Variants in ZNF516 observed in about 807,000 individuals in gnomAD.
The protein encoded by ZNF516 is zinc finger protein 516.
In ZNF516, 19 loss-of-function variants were observed where a neutral mutation model predicts 79.7. That is an observed-to-expected ratio of 0.24 (90% CI 0.17 to 0.35). ZNF516 has a LOEUF of 0.35. Ranked by LOEUF, ZNF516 falls within the 10% of genes least tolerant of loss-of-function variation. The probability of loss-of-function intolerance (pLI) is 1.00; values close to 1 mark genes in which losing one functional copy is unlikely to be tolerated. For synonymous variants in ZNF516, 877 were observed against 739.5 expected, an observed-to-expected ratio of 1.19 and a Z score of -3.02; for missense variants, 1,678 against 1,679.5, an observed-to-expected ratio of 1.00 and a Z score of 0.02.
At chr18:76,382,215 C>T (rs929820443) in intron 3 of ZNF516, among the ~76,000 whole-genome samples, 8 of 152,014 alleles carry the variant, frequency 5.3e-5, no homozygotes, top group Admixed American at 2.0e-4. Context: ...GTCTGTTATA[C>T]GCACACAGTG....
chr18:76,401,108 G>A (rs1317874531), intron 3 of ZNF516, among the ~76,000 whole-genome samples: 1 of 151,960 alleles, frequency 6.6e-6, no homozygotes, highest in African/African-American at 2.4e-5. Context: ...TCCATTATTG[G>A]AACGCTAAGC....
In ZNF516 at chr18:76,441,391, C is replaced by T. The variant is rs774910781; in HGVS notation, c.1664G>A (p.Arg555His). Residue 555 changes from arginine (R) to histidine (H), a missense_variant, in exon 3 of 7, where the codon CGC becomes CAC. Arg to His is a conservative substitution (Grantham distance 29). Around this residue, in one of 5 missense-constraint regions of ZNF516, gnomAD observed 1,294 missense variants for 1,248.3 expected, o/e 1.04. Transcript: ENST00000443185. ...DSDGDRAARA[R>H]CGSLSEGDSA... The stretch of plus-strand genomic sequence containing the variant: ...GTCACCCTCACTGAGTGATCCGCAG[C>T]GGGCCCGCGCCGCCCTGTCCCCGTC... 9.9e-6 allele frequency: 16 copies of T among 1,609,412 alleles called. No homozygotes were observed. Among genetic ancestry groups the T allele is most frequent in the Non-Finnish European group, 1.3e-5 (15 of 1,178,688 alleles).
At chr18:76,437,099 C>CACACACAT (rs1423993820) in intron 3 of ZNF516, among the ~76,000 whole-genome samples, 2 of 151,154 alleles carry the variant, frequency 1.3e-5, no homozygotes, top group Non-Finnish European at 2.9e-5. Context: ...CACACACACA[C>CACACACAT]ATACCGTCTC....
chr18:76,384,308 C>G (rs1310816616), intron 3 of ZNF516, among the ~76,000 whole-genome samples: 3 of 137,112 alleles, frequency 2.2e-5, no homozygotes, highest in African/African-American at 8.3e-5. Context: ...TCCTCCACAG[C>G]CCCCATACCC....
At position 76,380,209 on chromosome 18, in the gene ZNF516, C is replaced by T. The variant is rs375064691; in HGVS notation, c.1905G>A (p.Ser635=). 43 of 1,613,830 alleles carry T rather than the reference C, an allele frequency of 2.7e-5. No homozygotes were observed. The East Asian group carries it at 4.0e-4, about 15-fold the overall frequency. The part of the protein sequence containing the change: ...DQSHKMGDNA[S]ERDTGESKAG... ...CCTTGGACTCGCCGGTGTCTCTTTC[C>T]GAGGCGTTATCTCCCATCTTGTGAC... Residue 635 remains serine, a synonymous_variant, in exon 4 of 7, where the codon TCG becomes TCA. Transcript: ENST00000443185.
chr18:76,471,859 T>C (rs1913862652), intron 1 of ZNF516, among the ~76,000 whole-genome samples: 1 of 152,168 alleles, frequency 6.6e-6, no homozygotes. Flanking sequence ...CCACCCAAAC[T>C]GTCTACCCTG....
In ZNF516 at chr18:76,443,170, T is replaced by TGCACCTTCTACATGGGGGGC; in HGVS notation, c.-136_-117dup. On this transcript the variant is annotated 5_prime_UTR_variant, in exon 3 of 7. The change creates a new upstream start codon in the 5' untranslated region. Coordinates refer to ENST00000443185, the MANE Select transcript of ZNF516 (RefSeq NM_014643.4). ...AAAAGACGTGCCTGCTCCCAGGAGG[T>TGCACCTTCTACATGGGGGGC]GCACCTTCTACATGGGGGGCGCAGC... 1 of 1,415,322 alleles carries TGCACCTTCTACATGGGGGGC rather than the reference T, an allele frequency of 7.1e-7. No individual in the cohort carries two copies. The highest frequency in any genetic ancestry group is 1.5e-5 in the South Asian group (1 of 66,438). The allele number at this position is 1,415,322 out of a possible 1,614,324, so 87.7% of individuals were successfully genotyped here.
intron 3 of ZNF516, among the ~76,000 whole-genome samples, chr18:76,430,008 C>G (rs1176956551): frequency 1.3e-5 from 2 of 152,200 alleles, no homozygotes; most frequent in South Asian, 4.1e-4. Flanking sequence ...ACCTTCTGTT[C>G]AGAGCTTCTG....
intron 3 of ZNF516, among the ~76,000 whole-genome samples, chr18:76,422,737 A>G (rs182112886): frequency 9.9e-5 from 15 of 152,214 alleles, no homozygotes. Context: ...GGAGGAGAAG[A>G]TATGAATTCC....
chr18:76,381,823 T>C (rs1360798045), intron 3 of ZNF516, among the ~76,000 whole-genome samples: 14 of 152,214 alleles, frequency 9.2e-5, no homozygotes, highest in Admixed American at 9.2e-4. Context: ...TACCGGCTCC[T>C]AAAGGCTAAT....
chr18:76,418,656 T>TG (rs772224961), intron 3 of ZNF516, among the ~76,000 whole-genome samples: 1 of 152,224 alleles, frequency 6.6e-6, no homozygotes, highest in Non-Finnish European at 1.5e-5. Flanking sequence ...ATTGTGCTTC[T>TG]GGGTTACCTC....
At chr18:76,465,075 C>T (rs950321009) in intron 1 of ZNF516, among the ~76,000 whole-genome samples, 4 of 152,222 alleles carry the variant, frequency 2.6e-5, no homozygotes, top group African/African-American at 9.6e-5. Context: ...GGGCTCGCCA[C>T]GCAGCTCAAG....
At chr18:76,440,612 A>G (rs1180355965) in intron 3 of ZNF516, among the ~76,000 whole-genome samples, 2 of 152,268 alleles carry the variant, frequency 1.3e-5, no homozygotes, top group African/African-American at 4.8e-5. Context: ...TGTGAAAAGT[A>G]ATCTGTTCCA....
At chr18:76,401,665 G>A (rs867003428) in intron 3 of ZNF516, among the ~76,000 whole-genome samples, 2 of 150,258 alleles carry the variant, frequency 1.3e-5, no homozygotes, top group South Asian at 2.1e-4. Flanking sequence ...GGCAAGGTGA[G>A]CCCGGAGCAC....
chr18:76,413,861 C>CT (rs1340206485), intron 3 of ZNF516, among the ~76,000 whole-genome samples: 1 of 152,184 alleles, frequency 6.6e-6, no homozygotes, highest in African/African-American at 2.4e-5. Flanking sequence ...TCACACAGTT[C>CT]TTATGTATTC....
rs1915339085 is a variant in ZNF516, at chr18:76,493,269, C to G, written c.-272+1875G>C. On this transcript the variant is annotated intron_variant, in intron 1 of 6. Transcript: ENST00000443185. This position sits in a 1 kb window ranked among gnomAD's most constrained non-coding sequence, Gnocchi z 5.2. ...CACAAAGGATGGAAAGGGAAATTCA[C>G]GAAGGGAGTGGAGGCGGAAAGGGAG... 6.1e-6 allele frequency: 5 copies of G among 825,088 alleles called. No individual in the cohort carries two copies. Among genetic ancestry groups the G allele is most frequent in the Non-Finnish European group, 7.2e-6 (5 of 697,662 alleles). The allele number at this position is 825,088 out of a possible 1,614,324, so 51.1% of individuals were successfully genotyped here.
At chr18:76,453,313 G>C (rs781521415) in intron 2 of ZNF516, among the ~76,000 whole-genome samples, 1 of 152,144 alleles carries the variant, frequency 6.6e-6, no homozygotes, top group Non-Finnish European at 1.5e-5. Flanking sequence ...CCCATTTCCA[G>C]AAGCTTAGAA....
At chr18:76,495,315 C>T (rs1051243032), upstream of ZNF516, 23 of 144,404 alleles carry the variant, frequency 1.6e-4, no homozygotes, top group African/African-American at 5.5e-4. Flanking sequence ...CGCGCCCGGC[C>T]CCCTCCTCGC....
At chr18:76,408,946 C>A (rs890655398) in intron 3 of ZNF516, among the ~76,000 whole-genome samples, 1 of 152,166 alleles carries the variant, frequency 6.6e-6, no homozygotes, top group Non-Finnish European at 1.5e-5. Flanking sequence ...CGCCCCCACT[C>A]AGAAGCCAAG....
Sources: allele counts gnomAD v4.1 joint callset (sites outside exome capture counted in the v4.1 genomes callset), GRCh38; gene constraint gnomAD v4.1.1; regional missense constraint gnomAD v4.1.1; non-coding constraint Gnocchi (gnomAD v3.1); transcripts MANE v1.5; gene names NCBI Gene and HGNC (gene_info 2026-07-23, HGNC 2026-07-21).